TMPRSS7: variants seen among roughly 807,000 people sequenced by gnomAD.
TMPRSS7 encodes the protein transmembrane protease serine 7.
Under a neutral mutation model 95.6 loss-of-function variants are expected in TMPRSS7, and 81 were observed. That is an observed-to-expected ratio of 0.85 (90% confidence interval 0.71 to 1.02). The LOEUF (loss-of-function observed/expected upper bound fraction) is 1.02, where lower values mean the gene tolerates loss of function less well. Ranked by LOEUF, TMPRSS7 falls within the 50% of genes least tolerant of loss-of-function variation. TMPRSS7 has a pLI of 0.00. For missense variants in TMPRSS7, 945 were observed against 955.2 expected, an observed-to-expected ratio of 0.99 and a Z score of 0.14; for synonymous variants, 364 against 337.8, an observed-to-expected ratio of 1.08 and a Z score of -0.85.
At chr3:112,035,739 T>C (rs2073146281) in intron 1 of TMPRSS7, among the ~76,000 whole-genome samples, 1 of 152,168 alleles carries the variant, frequency 6.6e-6, no homozygotes, top group East Asian at 1.9e-4. Context: ...GAATACATTA[T>C]TAAAGAATTC....
chr3:112,075,492 G>A (rs2073700875), exon 15 of TMPRSS7: 3 of 1,459,246 alleles, frequency 2.1e-6, no homozygotes, highest in East Asian at 2.7e-5. Flanking sequence ...CATGGAAACA[G>A]GTAGGGCCTC....
At position 112,050,522 on chromosome 3, in the gene TMPRSS7, GA is replaced by G. The variant is rs568785162; in HGVS notation, c.1091-133del. 365 of 169,088 alleles carry G rather than the reference GA, an allele frequency of 2.2e-3. 1 individual carries two copies. The highest frequency in any genetic ancestry group is 0.01 in the Middle Eastern group (5 of 486). 10.5% of individuals were successfully genotyped at this position (169,088 alleles called of 1,614,324 possible). A position where few individuals can be genotyped will look rare whatever the true frequency, so the allele number is the denominator to read the frequency against. On this transcript the variant is annotated intron_variant, in intron 8 of 17. Transcript: ENST00000452346. ...CTGTAGGGTGGCATTCCTTTCTTCTGAAAAAAAAAAAAAAAACCCAAAGTTT... is the reference window on the plus strand; with the variant it reads ...CTGTAGGGTGGCATTCCTTTCTTCTGAAAAAAAAAAAAAAACCCAAAGTTT...
chr3:112,067,116 G>T (rs1372680594), intron 13 of TMPRSS7, among the ~76,000 whole-genome samples: 2 of 152,170 alleles, frequency 1.3e-5, no homozygotes, highest in African/African-American at 4.8e-5. Context: ...TGCTGAGAAT[G>T]ATGGTTTCCA....
rs2073155570 is a variant in TMPRSS7, at chr3:112,037,163, A to G, written c.49-909A>G. Among the ~76,000 whole-genome samples, 4 of 152,224 alleles carry G rather than the reference A, an allele frequency of 2.6e-5. No individual in the cohort carries two copies. The South Asian group carries it at 8.3e-4, about 31-fold the overall frequency. Reference sequence around the variant, plus strand: ...ACAAGGGAGATAACCATTGGGTCTGACTGCCATGCAGGACAGAGCCATATT... The same window carrying G: ...ACAAGGGAGATAACCATTGGGTCTGGCTGCCATGCAGGACAGAGCCATATT... On this transcript the variant is annotated intron_variant, in intron 1 of 17. Transcript: ENST00000452346.
At chr3:112,057,888 G>A (rs1005908148) in intron 10 of TMPRSS7, among the ~76,000 whole-genome samples, 2 of 151,992 alleles carry the variant, frequency 1.3e-5, no homozygotes, top group Non-Finnish European at 2.9e-5. Context: ...ACCATACCTG[G>A]CTAATCTTTG....
intron 3 of TMPRSS7, chr3:112,043,150 G>C: frequency 4.4e-6 from 2 of 455,032 alleles, no homozygotes; most frequent in African/African-American, 2.0e-5. Flanking sequence ...ACATCATAGA[G>C]TGTGTGTACA....
At chr3:112,071,860 A>G (rs1365614617) in intron 13 of TMPRSS7, among the ~76,000 whole-genome samples, 2 of 151,880 alleles carry the variant, frequency 1.3e-5, no homozygotes, top group South Asian at 4.2e-4. Context: ...ATCTTTTTTC[A>G]AGGTTTTTAG....
At chr3:112,048,031 C>G (rs2073301514) in intron 7 of TMPRSS7, 64 bp downstream of exon 7, 2 of 1,484,360 alleles carry the variant, frequency 1.3e-6, no homozygotes, top group African/African-American at 1.4e-5. Flanking sequence ...TTTACAGTAT[C>G]TGTGTTCCCC....
At chr3:112,077,220 A>G in intron 16 of TMPRSS7, 76 bp downstream of exon 16, 1 of 1,517,272 alleles carries the variant, frequency 6.6e-7, no homozygotes, top group Non-Finnish European at 9.0e-7. Flanking sequence ...TTTAGGGTTC[A>G]CAGAGAGGGT....
intron 5 of TMPRSS7, 131 bp downstream of exon 5, chr3:112,046,074 A>G: frequency 1.3e-6 from 1 of 789,484 alleles, no homozygotes; most frequent in Non-Finnish European, 2.0e-6. Flanking sequence ...CGCAGGATTA[A>G]CTAAAGACAT....
intron 12 of TMPRSS7, 50 bp downstream of exon 12, chr3:112,063,682 C>T: frequency 3.5e-6 from 5 of 1,441,986 alleles, no homozygotes; most frequent in Non-Finnish European, 4.9e-6. Context: ...AGTAACTTCT[C>T]AGGACCATGA....
chr3:112,075,488 A>G, exon 15 of TMPRSS7: 2 of 1,482,234 alleles, frequency 1.3e-6, no homozygotes, highest in Non-Finnish European at 1.8e-6. Flanking sequence ...TTTTCATGGA[A>G]ACAGGTAGGG....
chr3:112,073,572 T>C (rs1313571966), intron 13 of TMPRSS7, among the ~76,000 whole-genome samples: 1 of 152,208 alleles, frequency 6.6e-6, no homozygotes, highest in Non-Finnish European at 1.5e-5. Flanking sequence ...CTTTGCCCAC[T>C]TTTTGATGGG....
intron 5 of TMPRSS7, 116 bp downstream of exon 5, chr3:112,046,059 A>G: frequency 1.1e-6 from 1 of 915,176 alleles, no homozygotes; most frequent in African/African-American, 1.7e-5. Flanking sequence ...CCACAATCCC[A>G]GTGGCGCAGG....
intron 2 of TMPRSS7, among the ~76,000 whole-genome samples, chr3:112,040,779 G>A (rs1043093841): frequency 6.6e-5 from 10 of 152,160 alleles, no homozygotes; most frequent in African/African-American, 1.4e-4. Context: ...GACTGGTATG[G>A]ACCAGTAAGA....
chr3:112,066,775 CT>C (rs63619161), intron 13 of TMPRSS7, among the ~76,000 whole-genome samples: 5,000 of 149,586 alleles, frequency 0.033, 222 homozygotes, highest in African/African-American at 0.1. Context: ...GCAGATTCTC[CT>C]TTTTTTTTTC....
chr3:112,064,949 A>T (rs1320849879), intron 12 of TMPRSS7, among the ~76,000 whole-genome samples: 6 of 152,222 alleles, frequency 3.9e-5, no homozygotes, highest in Admixed American at 3.9e-4. Flanking sequence ...GATGCTATTT[A>T]ATCTTTTGTG....
At chr3:112,053,840 C>T (rs1161765221) in intron 9 of TMPRSS7, among the ~76,000 whole-genome samples, 1 of 152,172 alleles carries the variant, frequency 6.6e-6, no homozygotes, top group Admixed American at 6.5e-5. Flanking sequence ...TGCTTCCCTA[C>T]GTTTCTTAAC....
rs1380970922 is a variant in TMPRSS7 at position 112,057,008 on chromosome 3, A to T, written c.1204-17A>T. The stretch of plus-strand genomic sequence containing the variant: ...TGATTGAAGCATTTTTTTCTGACTT[A>T]ATGTTTATTTTCACAGACTTCTCTA... On this transcript the variant is annotated splice_polypyrimidine_tract_variant and intron_variant, in intron 9 of 17. Transcript: ENST00000452346. 5 of 1,538,626 alleles carry T rather than the reference A, an allele frequency of 3.2e-6. No homozygotes were observed. In the Admixed American group the frequency reaches 9.0e-5, roughly 28 times the overall value.
Sources: gnomAD v4.1 joint callset for allele counts (sites outside exome capture counted in the v4.1 genomes callset) on GRCh38, gnomAD v4.1.1 for gene constraint, MANE v1.5 for transcripts, NCBI Gene and HGNC (gene_info 2026-07-23, HGNC 2026-07-21) for gene names.